CATSPERT: variants seen among roughly 807,000 people sequenced by gnomAD.
CATSPERT encodes the protein catsper channel auxiliary subunit tau, also known as cation channel sperm-associated targeting subunit tau.
chr2:201,603,201 T>C, the CATSPERT span: 2 of 1,601,078 alleles, frequency 1.2e-6, no homozygotes, highest in Middle Eastern at 1.7e-4. Flanking sequence ...TTACTATGAT[T>C]CTTAAATCAA....
chr2:201,515,198 C>CAT, the CATSPERT span, among the ~76,000 whole-genome samples: 2,535 of 30,560 alleles, frequency 0.083, 822 homozygotes, highest in African/African-American at 0.33. Flanking sequence ...TGAATCTGCC[C>CAT]ATAGTTTTTT....
the CATSPERT span, among the ~76,000 whole-genome samples, chr2:201,520,894 A>G: frequency 6.6e-6 from 1 of 151,830 alleles, no homozygotes; most frequent in African/African-American, 2.4e-5. Flanking sequence ...CAGAAAAAAA[A>G]AAAAGAAACA....
At chr2:201,533,387 C>A in the CATSPERT span, among the ~76,000 whole-genome samples, 2 of 152,176 alleles carry the variant, frequency 1.3e-5, no homozygotes, top group African/African-American at 2.4e-5. Context: ...AACATGAGGG[C>A]AAGGCCAAGA....
the CATSPERT span, among the ~76,000 whole-genome samples, chr2:201,488,178 C>G: frequency 1.2e-4 from 19 of 152,188 alleles, no homozygotes; most frequent in Non-Finnish European, 4.4e-5. Context: ...TACAAAGTAT[C>G]CGTTATTTCA....
chr2:201,489,089 C>G, the CATSPERT span, among the ~76,000 whole-genome samples: 1 of 152,212 alleles, frequency 6.6e-6, no homozygotes, highest in East Asian at 1.9e-4. Context: ...TTGGGAGATT[C>G]CTGGATTTTA....
chr2:201,534,616 A>G, the CATSPERT span: 6 of 983,916 alleles, frequency 6.1e-6, no homozygotes, highest in Non-Finnish European at 7.2e-6. Flanking sequence ...ACTAATGAGC[A>G]AAAAAAAGTG....
the CATSPERT span, chr2:201,487,607 A>G: frequency 6.2e-7 from 1 of 1,608,608 alleles, no homozygotes; most frequent in Non-Finnish European, 8.5e-7. Flanking sequence ...ATGAGCGAAC[A>G]TTTTTCAATA....
At chr2:201,587,118 AT>A in the CATSPERT span, among the ~76,000 whole-genome samples, 1 of 152,106 alleles carries the variant, frequency 6.6e-6, no homozygotes, top group Non-Finnish European at 1.5e-5. Context: ...CAATAGCATA[AT>A]TCTATTTACA....
At chr2:201,492,434 G>A in the CATSPERT span, 1 of 1,532,952 alleles carries the variant, frequency 6.5e-7, no homozygotes, top group Non-Finnish European at 8.7e-7. Flanking sequence ...AGATAGTTTT[G>A]TAGAGATTTA....
chr2:201,558,728 C>T, the CATSPERT span, among the ~76,000 whole-genome samples: 4 of 152,144 alleles, frequency 2.6e-5, no homozygotes, highest in Admixed American at 6.5e-5. Context: ...GTATGCTCCC[C>T]GCTGCCCCCA....
chr2:201,495,824 T>C, the CATSPERT span: 3 of 1,027,804 alleles, frequency 2.9e-6, no homozygotes, highest in African/African-American at 1.7e-5. Flanking sequence ...TTTAGAACTA[T>C]TGAATTAAAG....
At chr2:201,613,813 A>G in the CATSPERT span, among the ~76,000 whole-genome samples, 2 of 152,202 alleles carry the variant, frequency 1.3e-5, no homozygotes, top group Non-Finnish European at 2.9e-5. Context: ...AACCTTGAAA[A>G]AAGATCAGAT....
the CATSPERT span, among the ~76,000 whole-genome samples, chr2:201,614,347 T>G: frequency 6.6e-6 from 1 of 152,296 alleles, no homozygotes; most frequent in South Asian, 2.1e-4. Context: ...CCCATCAGAC[T>G]AACAGCAGAT....
the CATSPERT span, chr2:201,537,540 G>A: frequency 8.1e-7 from 1 of 1,234,874 alleles, no homozygotes; most frequent in Non-Finnish European, 1.1e-6. Flanking sequence ...ACATATGTAT[G>A]TACATTAATA....
the CATSPERT span, among the ~76,000 whole-genome samples, chr2:201,548,133 G>A: frequency 2.0e-5 from 3 of 151,938 alleles, no homozygotes; most frequent in African/African-American, 4.8e-5. Flanking sequence ...CATGTGCCAC[G>A]TTGGTTTGCT....
At chr2:201,582,090 C>T in the CATSPERT span, 1 of 1,597,904 alleles carries the variant, frequency 6.3e-7, no homozygotes, top group Non-Finnish European at 8.5e-7. Context: ...TCATTTTATA[C>T]ATACCTGAAT....
chr2:201,590,475 AT>A, the CATSPERT span, among the ~76,000 whole-genome samples: 1 of 152,096 alleles, frequency 6.6e-6, no homozygotes, highest in African/African-American at 2.4e-5. Context: ...TAGCAGCATG[AT>A]TTATAGTCCT....
the CATSPERT span, among the ~76,000 whole-genome samples, chr2:201,617,928 C>A: frequency 6.6e-6 from 1 of 152,162 alleles, no homozygotes; most frequent in Non-Finnish European, 1.5e-5. Context: ...CAAAAGAAGA[C>A]ATTTATGCAG....
chr2:201,561,532 AT>A, the CATSPERT span, among the ~76,000 whole-genome samples: 1 of 152,216 alleles, frequency 6.6e-6, no homozygotes, highest in South Asian at 2.1e-4. Flanking sequence ...TATTCTATAC[AT>A]AATTAGTATT....
Sources: allele counts gnomAD v4.1 joint callset (sites outside exome capture counted in the v4.1 genomes callset), GRCh38; gene constraint gnomAD v4.1.1; transcripts MANE v1.5; gene names NCBI Gene and HGNC (gene_info 2026-07-23, HGNC 2026-07-21).